CCDC192: variants seen among roughly 807,000 people sequenced by gnomAD.
The protein encoded by CCDC192 is coiled-coil domain containing 192, also known as coiled-coil domain-containing protein 192.
chr5:127,779,884 C>G (rs1756092994), intron 3 of CCDC192, among the ~76,000 whole-genome samples: 1 of 152,022 alleles, frequency 6.6e-6, no homozygotes, highest in Admixed American at 6.5e-5. Context: ...CCTCACCCCC[C>G]TCCCACCCTT....
At chr5:127,756,499 C>T (rs1269722895) in intron 3 of CCDC192, among the ~76,000 whole-genome samples, 1 of 152,130 alleles carries the variant, frequency 6.6e-6, no homozygotes, top group East Asian at 1.9e-4. Context: ...GGTGCGATGG[C>T]AGAACTGGTT....
At chr5:127,797,756 TATATATATATA>T (rs1561494089) in intron 4 of CCDC192, among the ~76,000 whole-genome samples, 725 of 34,558 alleles carry the variant, frequency 0.021, 14 homozygotes, top group African/African-American at 0.03. Context: ...TATATATATA[TATATATATATA>T]TATATATATA....
intron 2 of CCDC192, among the ~76,000 whole-genome samples, chr5:127,719,712 G>T (rs1031217686): frequency 4.0e-5 from 6 of 151,200 alleles, no homozygotes; most frequent in Admixed American, 3.3e-4. Flanking sequence ...GGATGAACTG[G>T]CTCAGGGTTC....
intron 3 of CCDC192, among the ~76,000 whole-genome samples, chr5:127,783,722 C>A (rs1320735092): frequency 2.6e-5 from 4 of 152,110 alleles, no homozygotes; most frequent in African/African-American, 9.7e-5. Context: ...CTAGTGCTGT[C>A]AGTGGAGTAT....
intron 3 of CCDC192, among the ~76,000 whole-genome samples, chr5:127,762,522 T>G (rs777275644): frequency 6.6e-6 from 1 of 152,220 alleles, no homozygotes. Flanking sequence ...GAGATGGTGT[T>G]GTTTTGAATA....
At chr5:127,781,758 A>T (rs1398194278) in intron 3 of CCDC192, among the ~76,000 whole-genome samples, 1 of 152,140 alleles carries the variant, frequency 6.6e-6, no homozygotes, top group Non-Finnish European at 1.5e-5. Flanking sequence ...AGGGTTTTCA[A>T]GGTAAACAAT....
At chr5:127,888,638 T>C (rs1420819201) in intron 6 of CCDC192, among the ~76,000 whole-genome samples, 2 of 152,150 alleles carry the variant, frequency 1.3e-5, no homozygotes, top group African/African-American at 2.4e-5. Flanking sequence ...CATGTAGTCA[T>C]AGAAGCAAAA....
At chr5:127,857,392 C>A (rs934989829) in intron 5 of CCDC192, among the ~76,000 whole-genome samples, 3 of 152,152 alleles carry the variant, frequency 2.0e-5, no homozygotes, top group Non-Finnish European at 2.9e-5. Context: ...CAGCTTCTGC[C>A]ATCATTACTC....
At chr5:127,752,693 C>G (rs567720919) in intron 2 of CCDC192, among the ~76,000 whole-genome samples, 2 of 151,984 alleles carry the variant, frequency 1.3e-5, no homozygotes, top group East Asian at 1.9e-4. Flanking sequence ...TGGGCAATGG[C>G]GGGCGCCCCT....
intron 2 of CCDC192, among the ~76,000 whole-genome samples, chr5:127,733,931 A>T (rs140306153): frequency 0.38 from 54,657 of 143,148 alleles, 10,081 homozygotes; most frequent in African/African-American, 0.45. Context: ...ATATATATAT[A>T]TTTTTTTATT....
chr5:127,803,362 T>C (rs1268067670), intron 5 of CCDC192, among the ~76,000 whole-genome samples: 7 of 152,196 alleles, frequency 4.6e-5, no homozygotes, highest in African/African-American at 1.7e-4. Flanking sequence ...GCACCCAGGC[T>C]GAGCCATCAC....
chr5:127,772,002 G>C (rs111794609), intron 3 of CCDC192, among the ~76,000 whole-genome samples: 3,304 of 152,292 alleles, frequency 0.022, 122 homozygotes, highest in African/African-American at 0.075. Flanking sequence ...GGTGTGAACT[G>C]TGTGGCTTGG....
At chr5:127,891,973 C>A (rs1278087016) in intron 6 of CCDC192, among the ~76,000 whole-genome samples, 1 of 152,152 alleles carries the variant, frequency 6.6e-6, no homozygotes, top group East Asian at 1.9e-4. Context: ...TGTATCCTCC[C>A]ACATTACCCA....
chr5:127,818,067 C>T (rs1352025300), intron 5 of CCDC192, among the ~76,000 whole-genome samples: 1 of 152,026 alleles, frequency 6.6e-6, no homozygotes, highest in East Asian at 1.9e-4. Flanking sequence ...ATGAAAAAAC[C>T]CAGCATAGCT....
intron 3 of CCDC192, among the ~76,000 whole-genome samples, chr5:127,790,831 G>T (rs1188212362): frequency 3.9e-5 from 6 of 152,188 alleles, no homozygotes; most frequent in Non-Finnish European, 7.4e-5. Flanking sequence ...AGAAACTTGG[G>T]CATAGCTTCC....
At chr5:127,843,068 T>G (rs1050476598) in intron 5 of CCDC192, among the ~76,000 whole-genome samples, 1 of 131,098 alleles carries the variant, frequency 7.6e-6, no homozygotes, top group African/African-American at 2.9e-5. Context: ...GGAGTCTTGC[T>G]CAGTTGCCCA....
At chr5:127,738,961 G>A (rs1378372213) in intron 2 of CCDC192, among the ~76,000 whole-genome samples, 1 of 151,776 alleles carries the variant, frequency 6.6e-6, no homozygotes, top group Non-Finnish European at 1.5e-5. Flanking sequence ...GCTTTGTTCC[G>A]TTGCTGGTGA....
intron 2 of CCDC192, among the ~76,000 whole-genome samples, chr5:127,739,377 CT>C (rs1277980749): frequency 6.6e-6 from 1 of 152,094 alleles, no homozygotes; most frequent in Non-Finnish European, 1.5e-5. Context: ...TTACTGCTGT[CT>C]TTTTGTTTGT....
chr5:127,934,797 C>T (rs1754142703), intron 6 of CCDC192, among the ~76,000 whole-genome samples: 1 of 152,072 alleles, frequency 6.6e-6, no homozygotes, highest in South Asian at 2.1e-4. Flanking sequence ...AGAATATGTC[C>T]TAAAGCTGTG....
Sources: allele counts gnomAD v4.1 joint callset (sites outside exome capture counted in the v4.1 genomes callset), GRCh38; gene constraint gnomAD v4.1.1; transcripts MANE v1.5; gene names NCBI Gene and HGNC (gene_info 2026-07-23, HGNC 2026-07-21).